The following USP42 variants were observed in gnomAD, a reference collection of about 807,000 sequenced individuals.
USP42 encodes ubiquitin specific peptidase 42.
In USP42, 23 loss-of-function variants were observed where a neutral mutation model predicts 113.0. The observed-to-expected ratio is 0.20, with a 90% CI of 0.15 to 0.29. USP42 has a LOEUF of 0.29. Among genes scored for constraint, USP42 ranks in the 10% least tolerant of loss-of-function variants. The pLI, the probability that USP42 is intolerant of heterozygous loss-of-function variation, is 1.00. For synonymous variants in USP42, 933 were observed against 699.0 expected (o/e 1.33, Z -5.28); for missense variants, 2,174 against 1,779.8 (o/e 1.22, Z -3.99).
chr7:6,112,935 G>T (rs1435384602), intron 2 of USP42, among the ~76,000 whole-genome samples: 1 of 128,848 alleles, frequency 7.8e-6, no homozygotes, highest in African/African-American at 3.1e-5. Flanking sequence ...ACAGAGTCTC[G>T]CTCTGTCGCC....
At chr7:6,125,181 AAC>A (rs1424912822) in intron 3 of USP42, among the ~76,000 whole-genome samples, 44 of 135,628 alleles carry the variant, frequency 3.2e-4, no homozygotes, top group African/African-American at 1.0e-3. Flanking sequence ...ACTCTGTCTC[AAC>A]AAAAAAAAAA....
Position 6,154,826 on chromosome 7 carries a change from G to T in USP42, c.3272G>T (p.Arg1091Leu). The T allele has an allele frequency of 6.5e-7, 1 of 1,542,072 alleles. No individual in the cohort carries two copies. Among genetic ancestry groups the T allele is most frequent in the South Asian group, 1.2e-5 (1 of 83,516 alleles). Reference sequence around the variant, plus strand: ...CACGAGCGGGCCGGGCTGCACGAGCGGCCGCACAAGGACCACAACCGGGGC... The same window carrying T: ...CACGAGCGGGCCGGGCTGCACGAGCTGCCGCACAAGGACCACAACCGGGGC... The part of the protein sequence containing the change: ...REHERAGLHE[R>L]PHKDHNRGRR... The change falls in exon 15 of 18, where the codon CGG becomes CTG. Residue 1091 changes from arginine to leucine, a missense_variant. Transcript: ENST00000306177.
chr7:6,127,978 T>G (rs1013343364), intron 3 of USP42, among the ~76,000 whole-genome samples: 1 of 152,144 alleles, frequency 6.6e-6, no homozygotes, highest in Non-Finnish European at 1.5e-5. Flanking sequence ...GCTTTGTGCA[T>G]TGGTGTGATC....
rs1453861090 is a variant in USP42 at position 6,153,954 on chromosome 7, G to C, written c.2400G>C (p.Glu800Asp). The change falls in exon 15 of 18, where the codon GAG (glutamate) becomes GAC (aspartate). Residue 800 changes from glutamate to aspartate, a missense_variant. Transcript: ENST00000306177. ...AWEAMAVAPE[E>D]PPPSAGEDIV... ...AGGCCATGGCCGTCGCCCCCGAGGA[G>C]CCTCCGCCCAGCGCCGGCGAGGACA... 1 of 1,596,342 alleles carries C rather than the reference G, an allele frequency of 6.3e-7. No homozygotes were observed. Among genetic ancestry groups the C allele is most frequent in the African/African-American group, 1.3e-5 (1 of 74,418 alleles).
the USP42 span, among the ~76,000 whole-genome samples, chr7:6,092,353 A>G: frequency 2.7e-5 from 4 of 149,476 alleles, no homozygotes. Flanking sequence ...TAGTTTTTGT[A>G]TTTTTAGTAG....
the USP42 span, among the ~76,000 whole-genome samples, chr7:6,085,622 A>ATTT: frequency 9.3e-5 from 13 of 139,866 alleles, 1 homozygote; most frequent in African/African-American, 3.6e-4. Flanking sequence ...ATATATATAT[A>ATTT]TATTTTTTTT....
In USP42 at chr7:6,111,294, T is replaced by C; in HGVS notation, c.161T>C (p.Leu54Ser). The C allele has an allele frequency of 6.2e-7, 1 of 1,607,684 alleles. No homozygotes were observed. The highest frequency in any genetic ancestry group is 2.2e-5 in the East Asian group (1 of 44,782). ...LNDVSNHTLSLGPVPGAVVYS... is the reference protein window; with the variant it reads ...LNDVSNHTLSSGPVPGAVVYS... ...GATGTGTCAAATCACACACTTTCTTTAGGACCAGTACCTGGTGCTGTAGTT... is the reference window on the plus strand; with the variant it reads ...GATGTGTCAAATCACACACTTTCTTCAGGACCAGTACCTGGTGCTGTAGTT... Residue 54 changes from leucine to serine, a missense_variant, in exon 2 of 18, where the codon TTA (leucine) becomes TCA (serine). Coordinates refer to ENST00000306177, the MANE Select transcript of USP42 (RefSeq NM_032172.3).
At chr7:6,093,987 T>C in the USP42 span, among the ~76,000 whole-genome samples, 1 of 150,264 alleles carries the variant, frequency 6.7e-6, no homozygotes, top group Non-Finnish European at 1.5e-5. Flanking sequence ...CCTCCCGGGT[T>C]GAAGTGATTC....
rs1337100484 is a variant in USP42, at chr7:6,157,473, C to G, written c.3943+418C>G. On this transcript the variant is annotated intron_variant, in intron 16 of 17. Coordinates refer to ENST00000306177, the MANE Select transcript of USP42 (RefSeq NM_032172.3). This position sits in a 1 kb window ranked among gnomAD's most constrained non-coding sequence, Gnocchi z 4.1. Reference sequence around the variant, plus strand: ...GTGCAGTGGCGGCGATCTCAGCTCACTGCAACCTCTGCCTCCCAGGTTCAT... The same window carrying G: ...GTGCAGTGGCGGCGATCTCAGCTCAGTGCAACCTCTGCCTCCCAGGTTCAT... The G allele has an allele frequency of 1.3e-6, 1 of 761,790 alleles. No homozygotes were observed. The highest frequency in any genetic ancestry group is 1.9e-5 in the African/African-American group (1 of 52,692). 47.2% of individuals were successfully genotyped at this position (761,790 alleles called of 1,614,324 possible).
At chr7:6,086,705 C>CT in the USP42 span, among the ~76,000 whole-genome samples, 123 of 144,732 alleles carry the variant, frequency 8.5e-4, 3 homozygotes, top group African/African-American at 3.2e-3. Context: ...CTTTCCTTTC[C>CT]TTTCCTTTTC....
intron 1 of USP42, among the ~76,000 whole-genome samples, chr7:6,109,241 C>G (rs1466958012): frequency 2.7e-5 from 4 of 150,492 alleles, no homozygotes; most frequent in African/African-American, 9.8e-5. Context: ...ACAGCAGGGA[C>G]AAAAGAAAAA....
upstream of USP42, among the ~76,000 whole-genome samples, chr7:6,102,974 C>T (rs771327473): frequency 1.3e-4 from 20 of 150,958 alleles, no homozygotes; most frequent in Non-Finnish European, 2.4e-4. Context: ...GGACAGCAGC[C>T]GCTGGGGAGG....
intron 3 of USP42, among the ~76,000 whole-genome samples, chr7:6,126,686 T>G (rs959543429): frequency 6.6e-6 from 1 of 152,154 alleles, no homozygotes; most frequent in African/African-American, 2.4e-5. Flanking sequence ...ACATCTAGGT[T>G]GTTTCTAGTT....
intron 12 of USP42, 43 bp from the exon 13 acceptor site, chr7:6,149,540 A>G (rs769454448): frequency 1.3e-6 from 2 of 1,560,444 alleles, no homozygotes; most frequent in Non-Finnish European, 8.7e-7. Context: ...TTGTGTGACC[A>G]TGTTTCTGGA....
At chr7:6,115,545 T>C (rs2128481159) in intron 3 of USP42, 22 bp downstream of exon 3, 2 of 1,611,844 alleles carry the variant, frequency 1.2e-6, no homozygotes, top group Admixed American at 3.3e-5. Context: ...GTGTTGTGTT[T>C]GTAGTATTGT....
chr7:6,144,286 T>C (rs1209075191), intron 9 of USP42, 90 bp downstream of exon 9: 2 of 842,546 alleles, frequency 2.4e-6, no homozygotes, highest in Non-Finnish European at 3.6e-6. Flanking sequence ...GACTCGACTT[T>C]CTCATGACAA....
At chr7:6,106,774 C>T (rs1779304223) in intron 1 of USP42, among the ~76,000 whole-genome samples, 1 of 152,056 alleles carries the variant, frequency 6.6e-6, no homozygotes, top group South Asian at 2.1e-4. Flanking sequence ...CACTGTTGCC[C>T]AGGCTGGTCT....
the USP42 span, among the ~76,000 whole-genome samples, chr7:6,086,871 G>A: frequency 6.7e-6 from 1 of 150,136 alleles, no homozygotes; most frequent in Non-Finnish European, 1.5e-5. Flanking sequence ...AATTACAGGC[G>A]TCTGCCACCA....
chr7:6,138,833 C>T (rs1342078487), intron 4 of USP42, among the ~76,000 whole-genome samples: 2 of 152,100 alleles, frequency 1.3e-5, no homozygotes, highest in East Asian at 3.8e-4. Flanking sequence ...CAATTTCATC[C>T]CAACCCCCTC....
Sources: allele counts gnomAD v4.1 joint callset (sites outside exome capture counted in the v4.1 genomes callset), GRCh38; gene constraint gnomAD v4.1.1; non-coding constraint Gnocchi (gnomAD v3.1); transcripts MANE v1.5; gene names NCBI Gene and HGNC (gene_info 2026-07-23, HGNC 2026-07-21).